Variants in SEMA3A observed in about 807,000 individuals in gnomAD.
The protein encoded by SEMA3A is semaphorin 3A.
In SEMA3A, 29 loss-of-function variants were observed where a neutral mutation model predicts 97.9. That is an observed-to-expected ratio of 0.30 (90% CI 0.22 to 0.40). The LOEUF (loss-of-function observed/expected upper bound fraction) is 0.40, where lower values mean the gene tolerates loss of function less well. Among genes scored for constraint, SEMA3A ranks in the 10% least tolerant of loss-of-function variants. The pLI is 1.00. For synonymous variants in SEMA3A, 321 were observed against 323.7 expected (o/e 0.99, Z 0.09); for missense variants, 763 against 951.3 (o/e 0.80, Z 2.60).
At chr7:84,063,874 A>C in intron 4 of SEMA3A, among the ~76,000 whole-genome samples, 1 of 150,166 alleles carries the variant, frequency 6.7e-6, no homozygotes, top group Non-Finnish European at 1.5e-5. Context: ...AACTTCCCCA[A>C]TCTAGCAAGG....
chr7:84,363,607 G>A (rs1318323818), intron 2 of SEMA3A, among the ~76,000 whole-genome samples: 1 of 151,710 alleles, frequency 6.6e-6, no homozygotes. Flanking sequence ...TAATTATGTG[G>A]AATTGGCCTA....
intron 3 of SEMA3A, among the ~76,000 whole-genome samples, chr7:84,278,872 G>A (rs1052042351): frequency 6.6e-6 from 1 of 152,150 alleles, no homozygotes; most frequent in African/African-American, 2.4e-5. Context: ...CATGAGATTT[G>A]GGTGGGACAC....
At chr7:84,484,746 C>A (rs921265662) in intron 1 of SEMA3A, among the ~76,000 whole-genome samples, 1 of 152,104 alleles carries the variant, frequency 6.6e-6, no homozygotes, top group Non-Finnish European at 1.5e-5. Context: ...TTACTTATTT[C>A]TTGAATCAAA....
At chr7:84,174,869 C>A (rs1797513099) in intron 1 of SEMA3A, among the ~76,000 whole-genome samples, 1 of 152,208 alleles carries the variant, frequency 6.6e-6, no homozygotes, top group African/African-American at 2.4e-5. Context: ...AAAAAAAATT[C>A]TTGTTAAATT....
intron 3 of SEMA3A, among the ~76,000 whole-genome samples, chr7:84,202,858 G>A (rs986254722): frequency 6.6e-6 from 1 of 151,994 alleles, no homozygotes; most frequent in Non-Finnish European, 1.5e-5. Flanking sequence ...CCTGCCCCAA[G>A]TTATATAAAC....
At chr7:84,462,067 T>C (rs535590700) in intron 1 of SEMA3A, among the ~76,000 whole-genome samples, 1 of 152,138 alleles carries the variant, frequency 6.6e-6, no homozygotes, top group Admixed American at 6.6e-5. Context: ...ATAGCCAATA[T>C]ATATTAATAA....
intron 1 of SEMA3A, among the ~76,000 whole-genome samples, chr7:84,479,461 T>C (rs917895664): frequency 4.1e-4 from 62 of 152,318 alleles, no homozygotes; most frequent in African/African-American, 1.4e-3. Context: ...AAGGCTGTGT[T>C]GCACACAAAA....
chr7:84,017,091 T>C (rs1791134059), intron 6 of SEMA3A, among the ~76,000 whole-genome samples: 2 of 152,190 alleles, frequency 1.3e-5, no homozygotes, highest in African/African-American at 4.8e-5. Context: ...ATAATCCTTG[T>C]TCTCAGAAAG....
intron 1 of SEMA3A, among the ~76,000 whole-genome samples, chr7:84,489,503 AT>A (rs1210626773): frequency 1.4e-5 from 2 of 143,796 alleles, no homozygotes; most frequent in African/African-American, 5.2e-5. Context: ...GTTTCCAGGA[AT>A]TTATTTTGTG....
At chr7:84,003,152 T>C (rs1185585194) in intron 11 of SEMA3A, among the ~76,000 whole-genome samples, 2 of 152,032 alleles carry the variant, frequency 1.3e-5, no homozygotes, top group African/African-American at 2.4e-5. Context: ...AGAACCAACA[T>C]GATATGTTAT....
chr7:84,052,803 T>C (rs1167143989), intron 5 of SEMA3A, among the ~76,000 whole-genome samples: 1 of 150,436 alleles, frequency 6.6e-6, no homozygotes, highest in African/African-American at 2.4e-5. Context: ...AGTTGTGATG[T>C]TAGGGTGTCA....
chr7:84,469,264 A>T (rs1806083653), intron 1 of SEMA3A, among the ~76,000 whole-genome samples: 2 of 152,136 alleles, frequency 1.3e-5, no homozygotes, highest in Admixed American at 1.3e-4. Context: ...ATCCCATTCA[A>T]CTGTAACCCT....
At chr7:84,299,489 G>C (rs1317347795) in intron 3 of SEMA3A, among the ~76,000 whole-genome samples, 1 of 151,108 alleles carries the variant, frequency 6.6e-6, no homozygotes, top group Non-Finnish European at 1.5e-5. Flanking sequence ...ATAAACAGCA[G>C]TCTAATAATC....
chr7:84,206,139 GA>G (rs1242011053), intron 3 of SEMA3A, among the ~76,000 whole-genome samples: 1 of 151,938 alleles, frequency 6.6e-6, no homozygotes, highest in African/African-American at 2.4e-5. Context: ...TACAATTTCA[GA>G]ATAATTTCAT....
At chr7:84,303,942 T>C (rs1191555445) in intron 3 of SEMA3A, among the ~76,000 whole-genome samples, 1 of 152,044 alleles carries the variant, frequency 6.6e-6, no homozygotes, top group African/African-American at 2.4e-5. Context: ...AGTTTGGGAG[T>C]ATCCATCCTA....
chr7:84,470,920 T>C (rs1040983167), intron 1 of SEMA3A, among the ~76,000 whole-genome samples: 3 of 151,958 alleles, frequency 2.0e-5, no homozygotes, highest in Admixed American at 1.3e-4. Flanking sequence ...GAGGGAAAAA[T>C]AGATTATGAT....
intron 12 of SEMA3A, among the ~76,000 whole-genome samples, chr7:83,994,062 C>G (rs1010174539): frequency 2.7e-5 from 4 of 150,634 alleles, no homozygotes; most frequent in African/African-American, 9.8e-5. Flanking sequence ...TCATTTCATT[C>G]ATTTCATCTT....
chr7:84,331,176 T>C (rs1228996078), intron 2 of SEMA3A, among the ~76,000 whole-genome samples: 1 of 152,106 alleles, frequency 6.6e-6, no homozygotes, highest in East Asian at 1.9e-4. Flanking sequence ...CCAATCTGGA[T>C]CACAAAAATA....
chr7:84,208,462 C>T (rs575301330), intron 3 of SEMA3A, among the ~76,000 whole-genome samples: 12 of 151,720 alleles, frequency 7.9e-5, no homozygotes, highest in South Asian at 2.1e-4. Context: ...AAAAAAAGAA[C>T]GGAAAGACAA....
Sources: gnomAD v4.1 joint callset for allele counts (sites outside exome capture counted in the v4.1 genomes callset) on GRCh38, gnomAD v4.1.1 for gene constraint, MANE v1.5 for transcripts, NCBI Gene and HGNC (gene_info 2026-07-23, HGNC 2026-07-21) for gene names.